The following ABHD17C variants were observed in gnomAD, a reference collection of about 807,000 sequenced individuals.
ABHD17C encodes the protein abhydrolase domain containing 17C, depalmitoylase, also known as alpha/beta hydrolase domain-containing protein 17C.
Under a neutral mutation model 27.9 loss-of-function variants are expected in ABHD17C, and 11 were observed. That is an observed-to-expected ratio of 0.39 (90% CI 0.25 to 0.65). The LOEUF (loss-of-function observed/expected upper bound fraction) is 0.65. Ranked by LOEUF, ABHD17C falls within the 30% of genes least tolerant of loss-of-function variation. The pLI is 0.45. For synonymous variants in ABHD17C, 233 were observed against 209.1 expected (o/e 1.11, Z -0.98); for missense variants, 280 against 470.2 (o/e 0.60, Z 3.74).
chr15:80,711,887 A>G (rs745316653), intron 1 of ABHD17C, among the ~76,000 whole-genome samples: 6 of 151,952 alleles, frequency 3.9e-5, no homozygotes, highest in Non-Finnish European at 8.8e-5. Context: ...TTCATTTGCA[A>G]CTCTTTTTTG....
chr15:80,710,991 G>C (rs531016299), intron 1 of ABHD17C, among the ~76,000 whole-genome samples: 13 of 152,304 alleles, frequency 8.5e-5, no homozygotes, highest in Non-Finnish European at 1.5e-4. Flanking sequence ...AAGTGGAGAT[G>C]TAGAGTAAGC....
At chr15:80,735,509 G>A (rs1465762492) in intron 1 of ABHD17C, among the ~76,000 whole-genome samples, 1 of 152,018 alleles carries the variant, frequency 6.6e-6, no homozygotes, top group Non-Finnish European at 1.5e-5. Flanking sequence ...CACCTTGTCG[G>A]ATCTTGTGTG....
chr15:80,723,650 C>T (rs1158871868), intron 1 of ABHD17C, among the ~76,000 whole-genome samples: 1 of 152,170 alleles, frequency 6.6e-6, no homozygotes, highest in African/African-American at 2.4e-5. Context: ...AATATTAGGT[C>T]AAGCGGATGT....
intron 1 of ABHD17C, among the ~76,000 whole-genome samples, chr15:80,699,221 C>T (rs939590737): frequency 1.3e-5 from 2 of 152,218 alleles, no homozygotes; most frequent in Non-Finnish European, 2.9e-5. Flanking sequence ...GGCAGGGACA[C>T]TATGTCTTCT....
intron 1 of ABHD17C, among the ~76,000 whole-genome samples, chr15:80,709,495 A>AC: frequency 6.6e-6 from 1 of 151,732 alleles, no homozygotes; most frequent in Non-Finnish European, 1.5e-5. Flanking sequence ...TCTCAAAAAA[A>AC]AAAAAACAAA....
At chr15:80,698,493 G>A (rs1338298092) in intron 1 of ABHD17C, among the ~76,000 whole-genome samples, 1 of 152,212 alleles carries the variant, frequency 6.6e-6, no homozygotes, top group Non-Finnish European at 1.5e-5. Flanking sequence ...CGGCAAATCA[G>A]CAGTAGGTCT....
In ABHD17C at chr15:80,723,979, G is replaced by A. The variant is rs377381466; in HGVS notation, c.591-25534G>A. Among the ~76,000 whole-genome samples, 108 of 152,230 alleles carry A rather than the reference G, an allele frequency of 7.1e-4. 1 individual carries two copies. Among genetic ancestry groups the A allele is most frequent in the African/African-American group, 2.4e-3 (98 of 41,538 alleles). On this transcript the variant is annotated intron_variant, in intron 1 of 2. Coordinates refer to ENST00000258884, the MANE Select transcript of ABHD17C (RefSeq NM_021214.2). ...GCACTTTGGGAGGCTGAGGCGGGTG[G>A]ATCACTTGATGTCAGGAGTTCGAGA...
intron 1 of ABHD17C, among the ~76,000 whole-genome samples, chr15:80,744,424 G>A (rs2141520352): frequency 6.6e-6 from 1 of 152,224 alleles, no homozygotes; most frequent in Non-Finnish European, 1.5e-5. Context: ...CCGGGTGTTA[G>A]AACAGAGGCC....
At chr15:80,718,438 T>C (rs1329565742) in intron 1 of ABHD17C, among the ~76,000 whole-genome samples, 1 of 152,190 alleles carries the variant, frequency 6.6e-6, no homozygotes, top group South Asian at 2.1e-4. Flanking sequence ...GTTCAAGTGA[T>C]TCTCCTGCCT....
At chr15:80,709,721 A>T (rs1596061163) in intron 1 of ABHD17C, among the ~76,000 whole-genome samples, 1 of 151,310 alleles carries the variant, frequency 6.6e-6, no homozygotes, top group Non-Finnish European at 1.5e-5. Flanking sequence ...CTCCTCCTCC[A>T]CCCTGCACCA....
At chr15:80,705,425 A>G (rs566837940) in intron 1 of ABHD17C, among the ~76,000 whole-genome samples, 22 of 149,382 alleles carry the variant, frequency 1.5e-4, no homozygotes, top group African/African-American at 5.4e-4. Context: ...GCCTGTGATT[A>G]GCTGCTTGAC....
At chr15:80,748,490 G>T (rs1421698110) in intron 1 of ABHD17C, among the ~76,000 whole-genome samples, 1 of 151,960 alleles carries the variant, frequency 6.6e-6, no homozygotes, top group African/African-American at 2.4e-5. Flanking sequence ...AGTAACTCAT[G>T]GATTTAATTT....
chr15:80,752,816 A>G (rs906966999), intron 2 of ABHD17C, among the ~76,000 whole-genome samples: 1 of 152,220 alleles, frequency 6.6e-6, no homozygotes, highest in African/African-American at 2.4e-5. Context: ...GAAGTCGCCT[A>G]CACACCCAGC....
chr15:80,716,770 C>T (rs1212624863), intron 1 of ABHD17C, among the ~76,000 whole-genome samples: 1 of 152,184 alleles, frequency 6.6e-6, no homozygotes, highest in African/African-American at 2.4e-5. Context: ...TTAAATTATT[C>T]TCTTACTTAA....
chr15:80,720,567 A>G (rs7183484), intron 1 of ABHD17C, among the ~76,000 whole-genome samples: 17,355 of 151,908 alleles, frequency 0.11, 1,064 homozygotes, highest in East Asian at 0.16. Flanking sequence ...GGATTTTTTT[A>G]TATATATTCT....
intron 1 of ABHD17C, chr15:80,703,291 T>G (rs1333591902): frequency 6.6e-6 from 1 of 152,256 alleles, no homozygotes; most frequent in Non-Finnish European, 1.5e-5. Context: ...GGGTCCCACT[T>G]CTTAATCCAG....
At chr15:80,699,928 A>G (rs1477338985) in intron 1 of ABHD17C, among the ~76,000 whole-genome samples, 1 of 152,254 alleles carries the variant, frequency 6.6e-6, no homozygotes, top group Non-Finnish European at 1.5e-5. Context: ...TTACGTTTGC[A>G]TTACTGGTAA....
chr15:80,698,856 T>C lies in ABHD17C; in HGVS notation c.590+2837T>C, dbSNP rs947566515. On this transcript the variant is annotated intron_variant, in intron 1 of 2. Coordinates refer to ENST00000258884, the MANE Select transcript of ABHD17C (RefSeq NM_021214.2). ...TGTCTTCTTTGGGAATCTTTATCTTTCCTGCCCTCCTAGTTAACCACACTC... is the reference window on the plus strand; with the variant it reads ...TGTCTTCTTTGGGAATCTTTATCTTCCCTGCCCTCCTAGTTAACCACACTC... 7.2e-5 allele frequency among the ~76,000 whole-genome samples: 11 copies of C among 152,360 alleles called. 1 individual carries two copies. The highest frequency in any genetic ancestry group is 1.9e-4 in the East Asian group (1 of 5,184).
At chr15:80,706,890 C>T (rs1894655735) in intron 1 of ABHD17C, among the ~76,000 whole-genome samples, 1 of 152,122 alleles carries the variant, frequency 6.6e-6, no homozygotes. Flanking sequence ...TCACTGTTGT[C>T]CTTATAACAT....
Sources: allele counts gnomAD v4.1 joint callset (sites outside exome capture counted in the v4.1 genomes callset), GRCh38; gene constraint gnomAD v4.1.1; transcripts MANE v1.5; gene names NCBI Gene and HGNC (gene_info 2026-07-23, HGNC 2026-07-21).